Variants in MAP3K5 observed in about 807,000 individuals in gnomAD.
MAP3K5 encodes mitogen-activated protein kinase kinase kinase 5, also known as ASK-1.
A neutral mutation model predicts 158.7 loss-of-function variants in MAP3K5; 56 were observed. That is an observed-to-expected ratio of 0.35 (90% confidence interval 0.28 to 0.44). The LOEUF is 0.44. Among genes scored for constraint, MAP3K5 ranks in the 20% least tolerant of loss-of-function variants. The pLI is 1.00. For synonymous variants in MAP3K5, 579 were observed against 601.7 expected, an observed-to-expected ratio of 0.96 and a Z score of 0.55; for missense variants, 1,294 against 1,674.8, an observed-to-expected ratio of 0.77 and a Z score of 3.97.
intron 1 of MAP3K5, among the ~76,000 whole-genome samples, chr6:136,722,332 T>C (rs969283336): frequency 1.3e-5 from 2 of 152,196 alleles, no homozygotes; most frequent in African/African-American, 2.4e-5. Flanking sequence ...TAAAAGAAGA[T>C]AATTTCTTAA....
chr6:136,744,681 A>T (rs1782857338), intron 1 of MAP3K5, among the ~76,000 whole-genome samples: 1 of 152,190 alleles, frequency 6.6e-6, no homozygotes, highest in Non-Finnish European at 1.5e-5. Context: ...TGGTTAGAGA[A>T]GTTACGGCTC....
At chr6:136,760,368 T>C (rs747382709) in intron 1 of MAP3K5, among the ~76,000 whole-genome samples, 19 of 152,316 alleles carry the variant, frequency 1.2e-4, no homozygotes, top group Non-Finnish European at 2.8e-4. Flanking sequence ...ATATATTAAT[T>C]AGCTCTCTCT....
At chr6:136,572,537 G>A (rs950496040) in intron 25 of MAP3K5, among the ~76,000 whole-genome samples, 24 of 152,180 alleles carry the variant, frequency 1.6e-4, no homozygotes, top group Admixed American at 4.6e-4. Flanking sequence ...GATTACAGGC[G>A]TGAGCCACCA....
chr6:136,779,338 G>A (rs1369289127), intron 1 of MAP3K5, among the ~76,000 whole-genome samples: 2 of 151,512 alleles, frequency 1.3e-5, no homozygotes, highest in Admixed American at 6.6e-5. Context: ...AGCTACGTGG[G>A]AGGCTGAGGC....
intron 8 of MAP3K5, 145 bp downstream of exon 8, chr6:136,669,138 A>G: frequency 1.5e-6 from 1 of 656,980 alleles, no homozygotes; most frequent in Non-Finnish European, 2.7e-6. Flanking sequence ...AACACCAAAC[A>G]AGGAGATATA....
intron 7 of MAP3K5, among the ~76,000 whole-genome samples, chr6:136,689,456 A>G (rs1187273787): frequency 6.6e-6 from 1 of 152,104 alleles, no homozygotes; most frequent in Non-Finnish European, 1.5e-5. Context: ...CCTTCTCCCC[A>G]TTACCCTACT....
intron 1 of MAP3K5, among the ~76,000 whole-genome samples, chr6:136,778,148 G>A (rs1224390832): frequency 4.6e-5 from 7 of 151,902 alleles, no homozygotes; most frequent in Non-Finnish European, 1.0e-4. Context: ...ACCCCTCTTG[G>A]AAGTAAATTT....
chr6:136,758,809 T>G (rs779300158), intron 1 of MAP3K5, among the ~76,000 whole-genome samples: 1 of 152,256 alleles, frequency 6.6e-6, no homozygotes, highest in East Asian at 1.9e-4. Flanking sequence ...ATTTTGAGTT[T>G]TTGCACATCT....
rs1449391063 is a variant in MAP3K5, at chr6:136,792,149, C to G, written c.9G>C (p.Thr3=). 2 of 1,564,146 alleles carry G rather than the reference C, an allele frequency of 1.3e-6. No individual in the cohort carries two copies. The highest frequency in any genetic ancestry group is 3.8e-5 in the Admixed American group (2 of 53,262). MS[T]EADEGITFSV... ...AGAAAGTGATGCCCTCGTCCGCCTC[C>G]GTGCTCATCTCTCCGGGCCGGGCAG... Residue 3 remains threonine, a synonymous_variant, in exon 1 of 30, where the codon ACG becomes ACC. Coordinates refer to ENST00000359015, the MANE Select transcript of MAP3K5 (RefSeq NM_005923.4). This position sits in a 1 kb window ranked among gnomAD's most constrained non-coding sequence, Gnocchi z 5.7.
chr6:136,761,217 C>T (rs1783737898), intron 1 of MAP3K5, among the ~76,000 whole-genome samples: 1 of 139,428 alleles, frequency 7.2e-6, no homozygotes, highest in Non-Finnish European at 1.5e-5. Flanking sequence ...CTGAATAGGA[C>T]AAATACTTGT....
intron 15 of MAP3K5, among the ~76,000 whole-genome samples, chr6:136,622,241 TG>T (rs1235333232): frequency 3.3e-5 from 5 of 152,190 alleles, no homozygotes; most frequent in Non-Finnish European, 5.9e-5. Flanking sequence ...TGGGTCCCAC[TG>T]GAGTTTTTAA....
At chr6:136,691,741 T>C (rs1780396837) in intron 7 of MAP3K5, among the ~76,000 whole-genome samples, 2 of 152,236 alleles carry the variant, frequency 1.3e-5, no homozygotes, top group African/African-American at 4.8e-5. Flanking sequence ...TTATTGCTCT[T>C]TTATCGTATT....
chr6:136,596,746 C>T (rs74907123), intron 21 of MAP3K5, among the ~76,000 whole-genome samples: 1,691 of 152,224 alleles, frequency 0.011, 27 homozygotes, highest in African/African-American at 0.037. Flanking sequence ...TTGCTTTATA[C>T]GTTTGTGGTG....
intron 2 of MAP3K5, among the ~76,000 whole-genome samples, chr6:136,713,228 T>A (rs763053991): frequency 3.5e-4 from 54 of 152,134 alleles, no homozygotes; most frequent in Non-Finnish European, 5.6e-4. Context: ...GTATTCAAAA[T>A]CATAGGCCTA....
At position 136,697,187 on chromosome 6, in the gene MAP3K5, C is replaced by T. The variant is rs764045207; in HGVS notation, c.975+32G>A. ...TCCCTTATCCCTCCAACATGCTACACAACAAAGATTTCACTTTAAACATCT... is the reference window on the plus strand; with the variant it reads ...TCCCTTATCCCTCCAACATGCTACATAACAAAGATTTCACTTTAAACATCT... On this transcript the variant is annotated intron_variant, in intron 5 of 29. Coordinates refer to ENST00000359015, the MANE Select transcript of MAP3K5 (RefSeq NM_005923.4). 1.9e-5 allele frequency: 30 copies of T among 1,589,620 alleles called. 1 individual carries two copies. In the Middle Eastern group the frequency reaches 5.0e-4, roughly 27 times the overall value.
At chr6:136,686,112 T>C (rs1780135358) in intron 7 of MAP3K5, among the ~76,000 whole-genome samples, 2 of 152,194 alleles carry the variant, frequency 1.3e-5, no homozygotes, top group Admixed American at 6.5e-5. Context: ...CAAATGGATA[T>C]AATGACAATA....
chr6:136,644,571 A>T (rs988958867), intron 11 of MAP3K5, among the ~76,000 whole-genome samples: 4 of 152,192 alleles, frequency 2.6e-5, no homozygotes, highest in African/African-American at 9.7e-5. Flanking sequence ...TACTGTATTG[A>T]CTGAAGGTGG....
At chr6:136,657,686 A>G (rs910429512) in intron 9 of MAP3K5, among the ~76,000 whole-genome samples, 2 of 152,214 alleles carry the variant, frequency 1.3e-5, no homozygotes, top group Non-Finnish European at 2.9e-5. Context: ...AGAATGACAG[A>G]AACACTAAAG....
chr6:136,688,761 A>G (rs1297107862), intron 7 of MAP3K5, among the ~76,000 whole-genome samples: 1 of 152,226 alleles, frequency 6.6e-6, no homozygotes, highest in East Asian at 1.9e-4. Context: ...TTATCCTTGT[A>G]CACAATGCAT....
Sources: gnomAD v4.1 joint callset for allele counts (sites outside exome capture counted in the v4.1 genomes callset) on GRCh38, gnomAD v4.1.1 for gene constraint, Gnocchi (gnomAD v3.1) non-coding constraint, MANE v1.5 for transcripts, NCBI Gene and HGNC (gene_info 2026-07-23, HGNC 2026-07-21) for gene names.